B3GALT1: variants seen among roughly 807,000 people sequenced by gnomAD.
B3GALT1 encodes UDP-Gal:betaGlcNAc beta 1,3-galactosyltransferase, polypeptide 1.
In B3GALT1, 10 loss-of-function variants were observed where a neutral mutation model predicts 23.2. The ratio of observed to expected loss-of-function variants is 0.43; its 90% confidence interval spans 0.27 to 0.73. The LOEUF is 0.73. B3GALT1 is among the 30% of genes least tolerant of loss of function. The pLI is 0.21. For missense variants in B3GALT1, 299 were observed against 405.4 expected, an observed-to-expected ratio of 0.74 and a Z score of 2.25; for synonymous variants, 156 against 141.5, an observed-to-expected ratio of 1.10 and a Z score of -0.73.
chr2:167,864,771 G>GTC (rs1690177484), intron 4 of B3GALT1, among the ~76,000 whole-genome samples: 1 of 152,008 alleles, frequency 6.6e-6, no homozygotes, highest in Admixed American at 6.6e-5. Context: ...TCTCTCATCT[G>GTC]TCAAATGGAG....
intron 3 of B3GALT1, among the ~76,000 whole-genome samples, chr2:167,770,514 A>G (rs1688055339): frequency 6.6e-6 from 1 of 152,178 alleles, no homozygotes; most frequent in Non-Finnish European, 1.5e-5. Context: ...TATTCTGCGT[A>G]TAAGTCGTTT....
chr2:167,295,803 A>G (rs11883681), intron 1 of B3GALT1, among the ~76,000 whole-genome samples: 2 of 139,964 alleles, frequency 1.4e-5, no homozygotes, highest in African/African-American at 5.5e-5. Context: ...GTGTGTGTGT[A>G]TGGAACTTTT....
intron 3 of B3GALT1, chr2:167,715,752 C>A: frequency 6.2e-7 from 1 of 1,613,128 alleles, no homozygotes; most frequent in Non-Finnish European, 8.5e-7. Context: ...ACTTCATAGC[C>A]TTCATACTCT....
chr2:167,662,702 G>C (rs930117307), intron 3 of B3GALT1, among the ~76,000 whole-genome samples: 4 of 151,604 alleles, frequency 2.6e-5, no homozygotes, highest in African/African-American at 9.7e-5. Context: ...TAGAGGAAAA[G>C]TGAAAGACCA....
chr2:167,380,150 C>A (rs1405301402), intron 1 of B3GALT1, among the ~76,000 whole-genome samples: 1 of 152,082 alleles, frequency 6.6e-6, no homozygotes, highest in Admixed American at 6.5e-5. Flanking sequence ...TCGGTTTGGA[C>A]ATGTAGTAGA....
At chr2:167,468,709 T>G (rs560068812) in intron 1 of B3GALT1, among the ~76,000 whole-genome samples, 1 of 152,206 alleles carries the variant, frequency 6.6e-6, no homozygotes, top group Admixed American at 6.5e-5. Context: ...CCATCTGTAC[T>G]AAGAATACAA....
At position 167,626,977 on chromosome 2, in the gene B3GALT1, C is replaced by T. The variant is rs192278742; in HGVS notation, c.-409-19932C>T. Among the ~76,000 whole-genome samples, 193 of 151,784 alleles carry T rather than the reference C, an allele frequency of 1.3e-3. 1 individual carries two copies. Among genetic ancestry groups the T allele is most frequent in the Non-Finnish European group, 8.9e-5 (6 of 67,746 alleles). ...GCAATTATCACAGTGTATGTTTTCA[C>T]ATTTACACAGTGATTTCATTAATAT... On this transcript the variant is annotated intron_variant, in intron 2 of 4. Transcript: ENST00000392690.
chr2:167,858,996 C>A (rs775925302), intron 4 of B3GALT1, among the ~76,000 whole-genome samples: 1 of 152,076 alleles, frequency 6.6e-6, no homozygotes, highest in Admixed American at 6.6e-5. Flanking sequence ...ATCAGCCTCC[C>A]CCAAAATAAT....
intron 1 of B3GALT1, among the ~76,000 whole-genome samples, chr2:167,334,617 T>G (rs1240766347): frequency 6.6e-6 from 1 of 152,130 alleles, no homozygotes; most frequent in Non-Finnish European, 1.5e-5. Context: ...AATAAAAAGT[T>G]TACAATCCTT....
At chr2:167,665,712 A>G (rs1686165670) in intron 3 of B3GALT1, among the ~76,000 whole-genome samples, 1 of 152,112 alleles carries the variant, frequency 6.6e-6, no homozygotes. Context: ...GTGTCGAGGA[A>G]TTTATCCATT....
chr2:167,539,259 T>TC (rs1553465586), intron 2 of B3GALT1, among the ~76,000 whole-genome samples: 1 of 148,124 alleles, frequency 6.8e-6, no homozygotes, highest in Non-Finnish European at 1.5e-5. Flanking sequence ...TTTTTCTATT[T>TC]AAAAAAAAAA....
At chr2:167,590,797 A>T (rs1446976020) in intron 2 of B3GALT1, among the ~76,000 whole-genome samples, 2 of 152,238 alleles carry the variant, frequency 1.3e-5, no homozygotes, top group African/African-American at 4.8e-5. Context: ...TGATGCCAAA[A>T]TAAAGCACCA....
intron 1 of B3GALT1, among the ~76,000 whole-genome samples, chr2:167,484,961 C>A (rs1314980487): frequency 6.6e-6 from 1 of 152,172 alleles, no homozygotes; most frequent in Non-Finnish European, 1.5e-5. Context: ...TATCTTACAG[C>A]TGTAAAGATA....
rs1053909674 is a variant in B3GALT1 at position 167,339,715 on chromosome 2, C to G, written c.-511+46381C>G. ...GAAATTGAAAACAATATAAGCTTCCCATTTCGAAGAAGGATAGAATAGTTC... is the reference window on the plus strand; with the variant it reads ...GAAATTGAAAACAATATAAGCTTCCGATTTCGAAGAAGGATAGAATAGTTC... On this transcript the variant is annotated intron_variant, in intron 1 of 4. Transcript: ENST00000392690. Among the ~76,000 whole-genome samples, 26 of 151,434 alleles carry G rather than the reference C, an allele frequency of 1.7e-4. 1 individual carries two copies. The highest frequency in any genetic ancestry group is 5.9e-4 in the African/African-American group (24 of 40,770).
At chr2:167,337,056 G>A (rs865805064) in intron 1 of B3GALT1, among the ~76,000 whole-genome samples, 25 of 152,262 alleles carry the variant, frequency 1.6e-4, no homozygotes, top group Admixed American at 7.2e-4. Context: ...GGGGGTCAGG[G>A]TGTGGACAAG....
intron 2 of B3GALT1, among the ~76,000 whole-genome samples, chr2:167,532,299 G>A (rs112466123): frequency 3.3e-3 from 502 of 152,178 alleles, no homozygotes; most frequent in Non-Finnish European, 5.3e-3. Context: ...TATTACTGTA[G>A]CATAATAAAG....
intron 1 of B3GALT1, among the ~76,000 whole-genome samples, chr2:167,328,752 G>GT (rs758583648): frequency 6.6e-5 from 10 of 151,738 alleles, no homozygotes; most frequent in South Asian, 2.1e-4. Flanking sequence ...TTTAGGTTAG[G>GT]TTTTTTCTTG....
intron 3 of B3GALT1, among the ~76,000 whole-genome samples, chr2:167,674,890 T>A (rs1280433136): frequency 1.3e-5 from 2 of 152,188 alleles, no homozygotes; most frequent in Non-Finnish European, 2.9e-5. Flanking sequence ...TTTTAAAATA[T>A]TTTTTCTTCA....
chr2:167,676,760 C>T (rs977596069), intron 3 of B3GALT1, among the ~76,000 whole-genome samples: 6 of 152,148 alleles, frequency 3.9e-5, no homozygotes, highest in African/African-American at 1.4e-4. Context: ...TGGTCTCGAA[C>T]TCCTGGCCTC....
Sources: allele counts gnomAD v4.1 joint callset (sites outside exome capture counted in the v4.1 genomes callset), GRCh38; gene constraint gnomAD v4.1.1; transcripts MANE v1.5; gene names NCBI Gene and HGNC (gene_info 2026-07-23, HGNC 2026-07-21).